CNTNAP5: variants seen among roughly 807,000 people sequenced by gnomAD.
The protein encoded by CNTNAP5 is contactin associated protein family member 5, also known as contactin-associated protein-like 5.
A neutral mutation model predicts 150.2 loss-of-function variants in CNTNAP5; 72 were observed. The observed-to-expected ratio is 0.48, with a 90% CI of 0.40 to 0.58. The LOEUF (loss-of-function observed/expected upper bound fraction) is 0.58. CNTNAP5 is among the 20% of genes least tolerant of loss of function. The pLI is 0.00. For synonymous variants in CNTNAP5, 672 were observed against 619.8 expected, an observed-to-expected ratio of 1.08 and a Z score of -1.25; for missense variants, 1,636 against 1,626.2, an observed-to-expected ratio of 1.01 and a Z score of -0.10.
intron 21 of CNTNAP5, among the ~76,000 whole-genome samples, chr2:124,895,200 T>G (rs1678278142): frequency 6.6e-6 from 1 of 151,620 alleles, no homozygotes. Context: ...CATCCTTTTA[T>G]CTGTCAGTAT....
rs1306397066 is a variant in CNTNAP5, at chr2:124,916,192, G to A, written c.*1904G>A. ...TCCTCGAAATTTTCTGTGGATTTGAGCTCAATCGCTTTATCATCTACATGA... is the reference window on the plus strand; with the variant it reads ...TCCTCGAAATTTTCTGTGGATTTGAACTCAATCGCTTTATCATCTACATGA... On this transcript the variant is annotated 3_prime_UTR_variant, in exon 24 of 24. Coordinates refer to ENST00000682447, the MANE Select transcript of CNTNAP5 (RefSeq NM_001367498.1). Among the ~76,000 whole-genome samples, 1 of 151,444 alleles carries A rather than the reference G, an allele frequency of 6.6e-6. No individual in the cohort carries two copies. Among genetic ancestry groups the A allele is most frequent in the Non-Finnish European group, 1.5e-5 (1 of 67,982 alleles).
chr2:124,118,710 A>AGAG (rs1421042087), intron 1 of CNTNAP5, among the ~76,000 whole-genome samples: 3 of 152,170 alleles, frequency 2.0e-5, no homozygotes, highest in African/African-American at 7.2e-5. Flanking sequence ...CACGTAAGGG[A>AGAG]GAGGAGGAGG....
intron 12 of CNTNAP5, among the ~76,000 whole-genome samples, chr2:124,615,892 A>C (rs1677482979): frequency 6.6e-6 from 1 of 151,350 alleles, no homozygotes; most frequent in African/African-American, 2.4e-5. Context: ...TCTCCATCAG[A>C]GCTCTTGAGT....
chr2:124,645,757 G>A (rs1678189753), intron 12 of CNTNAP5, among the ~76,000 whole-genome samples: 1 of 152,176 alleles, frequency 6.6e-6, no homozygotes, highest in Admixed American at 6.5e-5. Flanking sequence ...GAAAGAAAAG[G>A]AGTTTGATTA....
chr2:124,373,457 G>C (rs1305840058), intron 3 of CNTNAP5, among the ~76,000 whole-genome samples: 1 of 151,906 alleles, frequency 6.6e-6, no homozygotes, highest in Non-Finnish European at 1.5e-5. Flanking sequence ...CAATGACAAA[G>C]ACAAATGAAT....
chr2:124,555,332 T>A (rs142550508), intron 10 of CNTNAP5, among the ~76,000 whole-genome samples: 1,782 of 152,336 alleles, frequency 0.012, 9 homozygotes, highest in Non-Finnish European at 0.02. Flanking sequence ...TGCTAAGTGA[T>A]GAAGATTTGA....
At chr2:124,381,194 A>G (rs991889701) in intron 3 of CNTNAP5, among the ~76,000 whole-genome samples, 1 of 152,280 alleles carries the variant, frequency 6.6e-6, no homozygotes, top group African/African-American at 2.4e-5. Flanking sequence ...CAAAGAGAAT[A>G]GTGGAGTAAA....
At chr2:124,178,945 TATTTATTTATTTTG>T (rs1685135926) in intron 1 of CNTNAP5, among the ~76,000 whole-genome samples, 1 of 149,082 alleles carries the variant, frequency 6.7e-6, no homozygotes, top group Non-Finnish European at 1.5e-5. Context: ...TTTATTTATT[TATTTATTTATTTTG>T]TGTGTGTGTG....
intron 13 of CNTNAP5, among the ~76,000 whole-genome samples, chr2:124,731,322 T>C (rs1164594298): frequency 6.6e-6 from 1 of 152,142 alleles, no homozygotes; most frequent in Admixed American, 6.6e-5. Flanking sequence ...AAAAGGTTCT[T>C]GCTGGCTCTT....
intron 10 of CNTNAP5, among the ~76,000 whole-genome samples, chr2:124,556,947 A>G (rs2104923884): frequency 6.6e-6 from 1 of 152,108 alleles, no homozygotes; most frequent in African/African-American, 2.4e-5. Flanking sequence ...TATCTCATGA[A>G]AATCTATCAA....
intron 1 of CNTNAP5, among the ~76,000 whole-genome samples, chr2:124,034,126 G>T (rs951050315): frequency 6.6e-6 from 1 of 152,198 alleles, no homozygotes; most frequent in African/African-American, 2.4e-5. Context: ...AAAAAGGACA[G>T]TGAGAAGGGC....
Position 124,885,216 on chromosome 2 carries a change from A to T in CNTNAP5, c.3436+15454A>T, listed in dbSNP as rs1385861208. ...TCTTCTTTGGGAAGTCTTAAAAGCC[A>T]TTCTGCTCATAAGGTCTTGCAATTG... On this transcript the variant is annotated intron_variant, in intron 21 of 23. Coordinates refer to ENST00000682447, the MANE Select transcript of CNTNAP5 (RefSeq NM_001367498.1). Among the ~76,000 whole-genome samples, 5 of 151,996 alleles carry T rather than the reference A, an allele frequency of 3.3e-5. No individual in the cohort carries two copies. In the South Asian group the frequency reaches 8.3e-4, roughly 25 times the overall value.
At chr2:124,561,948 C>G (rs1558954969) in intron 10 of CNTNAP5, among the ~76,000 whole-genome samples, 1 of 152,124 alleles carries the variant, frequency 6.6e-6, no homozygotes, top group Non-Finnish European at 1.5e-5. Context: ...CCTGTACTCT[C>G]TCAGGCCCTA....
chr2:124,744,059 C>A (rs1680555951), intron 13 of CNTNAP5, among the ~76,000 whole-genome samples: 1 of 152,100 alleles, frequency 6.6e-6, no homozygotes, highest in African/African-American at 2.4e-5. Context: ...TGTCCTTAGC[C>A]TGTTTTATAT....
At chr2:124,752,242 T>C (rs534463616) in intron 14 of CNTNAP5, among the ~76,000 whole-genome samples, 1 of 152,066 alleles carries the variant, frequency 6.6e-6, no homozygotes, top group Non-Finnish European at 1.5e-5. Context: ...TTTTTTTGAG[T>C]AAGCTTCTCA....
intron 11 of CNTNAP5, among the ~76,000 whole-genome samples, chr2:124,607,400 C>CAA (rs1388822990): frequency 1.3e-5 from 2 of 152,116 alleles, no homozygotes; most frequent in South Asian, 2.1e-4. Context: ...TTGGCTTCTA[C>CAA]CACCGTGAGT....
chr2:124,589,933 T>C (rs1292670941), intron 11 of CNTNAP5, among the ~76,000 whole-genome samples: 1 of 152,146 alleles, frequency 6.6e-6, no homozygotes, highest in Non-Finnish European at 1.5e-5. Flanking sequence ...AATGCAGCAG[T>C]GTTGGGAGGT....
chr2:124,452,464 T>C (rs966371235), intron 6 of CNTNAP5, among the ~76,000 whole-genome samples: 2 of 152,060 alleles, frequency 1.3e-5, no homozygotes, highest in Admixed American at 6.5e-5. Context: ...CCCAACCTAG[T>C]AAATGAAGAA....
At chr2:124,032,647 G>C (rs1681087728) in intron 1 of CNTNAP5, among the ~76,000 whole-genome samples, 1 of 151,924 alleles carries the variant, frequency 6.6e-6, no homozygotes, top group Non-Finnish European at 1.5e-5. Flanking sequence ...ACTCACAGAA[G>C]GTACAGATTT....
Sources: allele counts gnomAD v4.1 joint callset (sites outside exome capture counted in the v4.1 genomes callset), GRCh38; gene constraint gnomAD v4.1.1; transcripts MANE v1.5; gene names NCBI Gene and HGNC (gene_info 2026-07-23, HGNC 2026-07-21).